CFAP20DC: variants seen among roughly 807,000 people sequenced by gnomAD.
CFAP20DC encodes the protein protein CFAP20DC.
CFAP20DC carries 84 observed loss-of-function variants against 101.7 expected under a neutral mutation model. That is an observed-to-expected ratio of 0.83 (90% CI 0.69 to 0.99). The LOEUF (loss-of-function observed/expected upper bound fraction) is 0.99, where lower values mean the gene tolerates loss of function less well. Ranked by LOEUF, CFAP20DC falls within the 50% of genes least tolerant of loss-of-function variation. CFAP20DC has a pLI of 0.00. For missense variants in CFAP20DC, 1,007 were observed against 970.3 expected (o/e 1.04, Z -0.50); for synonymous variants, 359 against 351.2 (o/e 1.02, Z -0.25).
intron 5 of CFAP20DC, among the ~76,000 whole-genome samples, chr3:58,920,072 CTTTTTTTTTTTTTT>C (rs71091396): frequency 4.3e-5 from 2 of 46,806 alleles, no homozygotes; most frequent in African/African-American, 8.5e-5. Context: ...GGTGGATATT[CTTTTTTTTTTTTTT>C]TTTTTTTTTT....
chr3:58,915,294 T>A (rs6767722), intron 5 of CFAP20DC, among the ~76,000 whole-genome samples: 2,994 of 152,062 alleles, frequency 0.02, 95 homozygotes, highest in African/African-American at 0.068. Flanking sequence ...ACAAATCCAG[T>A]AGATACGCCA....
At chr3:58,851,979 C>T (rs1365774500) in intron 12 of CFAP20DC, among the ~76,000 whole-genome samples, 3 of 152,170 alleles carry the variant, frequency 2.0e-5, no homozygotes, top group East Asian at 3.9e-4. Context: ...TCAAACCACT[C>T]TTATAATAAG....
At chr3:59,024,682 G>T (rs1258868104) in intron 4 of CFAP20DC, among the ~76,000 whole-genome samples, 2 of 152,024 alleles carry the variant, frequency 1.3e-5, no homozygotes, top group African/African-American at 2.4e-5. Context: ...TCCCAAAGGG[G>T]GATTCTTCTT....
chr3:58,736,803 T>C (rs2067767176), intron 3 of CFAP20DC, among the ~76,000 whole-genome samples: 1 of 152,220 alleles, frequency 6.6e-6, no homozygotes, highest in Non-Finnish European at 1.5e-5. Flanking sequence ...CACATCACTT[T>C]CGTAATGCCT....
At chr3:59,016,189 C>G (rs913864166) in intron 4 of CFAP20DC, among the ~76,000 whole-genome samples, 1 of 152,074 alleles carries the variant, frequency 6.6e-6, no homozygotes, top group African/African-American at 2.4e-5. Context: ...GGAATACTAT[C>G]CAGCCATAAA....
rs144533221 is a variant in CFAP20DC at position 58,989,010 on chromosome 3, T to C, written c.278+50547A>G. 2.4e-4 allele frequency among the ~76,000 whole-genome samples: 36 copies of C among 152,236 alleles called. No individual in the cohort carries two copies. The East Asian group carries it at 6.2e-3, about 26-fold the overall frequency. On this transcript the variant is annotated intron_variant, in intron 4 of 16. Transcript: ENST00000482387. ...CAGGTTAGATAACACAAGATGAAAT[T>C]AGTGCATTGCATTTAAACAATACTA...
intron 16 of CFAP20DC, 122 bp downstream of exon 16, chr3:58,753,647 G>A: frequency 1.4e-6 from 1 of 705,222 alleles, no homozygotes; most frequent in Non-Finnish European, 2.5e-6. Context: ...ACCTCATTTA[G>A]GGTGTGTAAG....
chr3:59,047,489 A>C (rs1421439148), intron 1 of CFAP20DC, among the ~76,000 whole-genome samples: 17 of 152,198 alleles, frequency 1.1e-4, no homozygotes, highest in African/African-American at 4.1e-4. Context: ...GACAAACATT[A>C]AATCAATTGT....
chr3:58,863,094 C>A lies in CFAP20DC; in HGVS notation c.1593+464G>T. ...TGGCACAACTCTTCAAATTCTGGGA[C>A]CATATGGAAAATAATGAGTCCTAAT... is the stretch of plus-strand genomic sequence containing the variant. On this transcript the variant is annotated intron_variant, in intron 12 of 16. Coordinates refer to ENST00000482387, the MANE Select transcript of CFAP20DC (RefSeq NM_001394063.1). This position sits in a 1 kb window ranked among gnomAD's most constrained non-coding sequence, Gnocchi z 5.9. The A allele has an allele frequency of 1.0e-6, 1 of 998,886 alleles. No individual in the cohort carries two copies. The highest frequency in any genetic ancestry group is 1.2e-6 in the Non-Finnish European group (1 of 839,476). 61.9% of individuals were successfully genotyped at this position (998,886 alleles called of 1,614,324 possible).
At position 59,039,567 on chromosome 3, in the gene CFAP20DC, T is replaced by C. The variant is rs2094161550; in HGVS notation, c.268A>G (p.Thr90Ala). 1.3e-6 allele frequency: 2 copies of C among 1,520,378 alleles called. No homozygotes were observed. The highest frequency in any genetic ancestry group is 1.8e-6 in the Non-Finnish European group (2 of 1,135,234). 94.2% of individuals were successfully genotyped at this position (1,520,378 alleles called of 1,614,324 possible). A position where few individuals can be genotyped will look rare whatever the true frequency, so the allele number is the denominator to read the frequency against. Residue 90 changes from threonine (T) to alanine (A), a missense_variant, in exon 4 of 17, where the codon ACT becomes GCT. Physicochemically the swap from Thr to Ala is moderately conservative, Grantham distance 58. Coordinates refer to ENST00000482387, the MANE Select transcript of CFAP20DC (RefSeq NM_001394063.1). Reference sequence around the variant, plus strand: ...TTCTGTATATCTTACAGCAATTCAGTGGAGAAGTCTTGTCCCAGGGGTACG... The same window carrying C: ...TTCTGTATATCTTACAGCAATTCAGCGGAGAAGTCTTGTCCCAGGGGTACG... ...IYVPLGQDFS[T>A]ELLITDLGNI...
chr3:58,935,582 A>G (rs1239412972), intron 5 of CFAP20DC, among the ~76,000 whole-genome samples: 2 of 152,164 alleles, frequency 1.3e-5, no homozygotes, highest in Non-Finnish European at 2.9e-5. Flanking sequence ...AGAGATATAG[A>G]TCAATGGAAT....
chr3:58,816,444 C>T (rs373669440), intron 14 of CFAP20DC, among the ~76,000 whole-genome samples: 15 of 152,200 alleles, frequency 9.9e-5, no homozygotes, highest in African/African-American at 2.4e-4. Flanking sequence ...GCACCGTGCG[C>T]GAGCCGAAGC....
chr3:59,016,496 T>C (rs2093692654), intron 4 of CFAP20DC, among the ~76,000 whole-genome samples: 1 of 152,034 alleles, frequency 6.6e-6, no homozygotes, highest in Admixed American at 6.6e-5. Flanking sequence ...TAATTGTAAT[T>C]TATTGTATAT....
At chr3:58,719,574 T>C (rs1429718740) in intron 3 of CFAP20DC, among the ~76,000 whole-genome samples, 2 of 152,208 alleles carry the variant, frequency 1.3e-5, no homozygotes, top group South Asian at 2.1e-4. Context: ...TTTTGGGAAA[T>C]AGCACTATTT....
chr3:58,950,911 G>T (rs1377473058), intron 4 of CFAP20DC, among the ~76,000 whole-genome samples: 3 of 152,180 alleles, frequency 2.0e-5, no homozygotes, highest in Non-Finnish European at 4.4e-5. Flanking sequence ...ATTGACAAAT[G>T]GGATCTAATT....
intron 3 of CFAP20DC, among the ~76,000 whole-genome samples, chr3:58,733,224 C>T (rs1428371085): frequency 1.3e-5 from 2 of 152,070 alleles, no homozygotes; most frequent in Non-Finnish European, 2.9e-5. Flanking sequence ...CCCAGCTACT[C>T]GGGAGGCTGA....
chr3:58,764,220 C>T (rs1332649913), intron 15 of CFAP20DC, among the ~76,000 whole-genome samples: 1 of 152,208 alleles, frequency 6.6e-6, no homozygotes, highest in Non-Finnish European at 1.5e-5. Flanking sequence ...TTTACCTACT[C>T]TAGCCTCAGC....
intron 4 of CFAP20DC, among the ~76,000 whole-genome samples, chr3:59,005,689 C>G (rs1211364332): frequency 6.6e-6 from 1 of 152,140 alleles, no homozygotes; most frequent in East Asian, 1.9e-4. Flanking sequence ...ACATAACTAT[C>G]ATTAGCTCTT....
rs543844568 is a variant in CFAP20DC, at chr3:58,897,886, T to C, written c.551-13177A>G. ...ATTGATCGTCTCATGGAGTATCTTA[T>C]TGGGGTTGTCTGCATTTCCTGAATT... On this transcript the variant is annotated intron_variant, in intron 6 of 16. Coordinates refer to ENST00000482387, the MANE Select transcript of CFAP20DC (RefSeq NM_001394063.1). The surrounding 1 kb of genome is among the most constrained non-coding windows in gnomAD (Gnocchi z 4.4). Among the ~76,000 whole-genome samples the C allele has an allele frequency of 4.6e-3, 706 of 152,264 alleles. 3 individuals carry two copies. The highest frequency in any genetic ancestry group is 5.9e-3 in the Non-Finnish European group (401 of 68,016).
Sources: allele counts gnomAD v4.1 joint callset (sites outside exome capture counted in the v4.1 genomes callset), GRCh38; gene constraint gnomAD v4.1.1; non-coding constraint Gnocchi (gnomAD v3.1); transcripts MANE v1.5; gene names NCBI Gene and HGNC (gene_info 2026-07-23, HGNC 2026-07-21).